The following FMNL2 variants were observed in gnomAD, a reference collection of about 807,000 sequenced individuals.
FMNL2 encodes formin-like protein 2.
A neutral mutation model predicts 130.2 loss-of-function variants in FMNL2; 51 were observed. The ratio of observed to expected loss-of-function variants is 0.39; its 90% CI spans 0.31 to 0.49. The LOEUF (loss-of-function observed/expected upper bound fraction) is 0.49, where lower values mean the gene tolerates loss of function less well. Ranked by LOEUF, FMNL2 falls within the 20% of genes least tolerant of loss-of-function variation. The pLI, the probability that FMNL2 is intolerant of heterozygous loss-of-function variation, is 0.85. For missense variants in FMNL2, 977 were observed against 1,316.2 expected, an observed-to-expected ratio of 0.74 and a Z score of 3.99; for synonymous variants, 465 against 467.1, an observed-to-expected ratio of 1.00 and a Z score of 0.06.
rs548413527 is a variant in FMNL2, at chr2:152,388,246, T to C, written c.117+52526T>C. On this transcript the variant is annotated intron_variant, in intron 1 of 25. Coordinates refer to ENST00000288670, the MANE Select transcript of FMNL2 (RefSeq NM_052905.4). ...ATCAAAGAAGTGTTATCTTTACCAT[T>C]GTATTGGTCTGTTCTCACATTGCTA... Among the ~76,000 whole-genome samples the C allele has an allele frequency of 9.8e-4, 149 of 152,320 alleles. 1 individual carries two copies. The highest frequency in any genetic ancestry group is 3.4e-3 in the African/African-American group (141 of 41,578).
At chr2:152,388,055 A>G (rs1684885241) in intron 1 of FMNL2, among the ~76,000 whole-genome samples, 1 of 152,198 alleles carries the variant, frequency 6.6e-6, no homozygotes, top group Non-Finnish European at 1.5e-5. Flanking sequence ...ATTCTTCTTT[A>G]TCACCTGTTC....
chr2:152,642,053 G>C (rs1166510654), intron 25 of FMNL2, among the ~76,000 whole-genome samples: 2 of 151,758 alleles, frequency 1.3e-5, no homozygotes, highest in African/African-American at 4.8e-5. Context: ...CCATTCTTCT[G>C]CCTCAGCCTC....
intron 6 of FMNL2, among the ~76,000 whole-genome samples, chr2:152,562,323 CATTATTTCTCT>C (rs1695578238): frequency 1.3e-5 from 2 of 152,264 alleles, no homozygotes; most frequent in South Asian, 4.1e-4. Flanking sequence ...GGCAAGAGGA[CATTATTTCTCT>C]AAGTGTTTAC....
At chr2:152,462,259 A>C (rs1689292901) in intron 1 of FMNL2, among the ~76,000 whole-genome samples, 1 of 152,216 alleles carries the variant, frequency 6.6e-6, no homozygotes, top group Non-Finnish European at 1.5e-5. Flanking sequence ...ACATAGGGCT[A>C]GTGGCTGTCG....
At chr2:152,639,809 C>A in intron 23 of FMNL2, 149 bp from the exon 24 acceptor site, 1 of 650,210 alleles carries the variant, frequency 1.5e-6, no homozygotes, top group Non-Finnish European at 2.6e-6. Context: ...AGAAGCAGAG[C>A]TAAATACAGG....
At chr2:152,546,168 G>A (rs775182692) in intron 3 of FMNL2, among the ~76,000 whole-genome samples, 13 of 152,186 alleles carry the variant, frequency 8.5e-5, no homozygotes, top group Non-Finnish European at 1.9e-4. Flanking sequence ...GGAAGCAGAA[G>A]GCGGCATTAG....
At chr2:152,646,169 A>C (rs1244198734) in intron 25 of FMNL2, among the ~76,000 whole-genome samples, 1 of 138,286 alleles carries the variant, frequency 7.2e-6, no homozygotes, top group African/African-American at 2.6e-5. Flanking sequence ...AAAAAAAAAA[A>C]ACAAACAAAC....
rs58838989 is a variant in FMNL2, at chr2:152,490,569, ATGTGTGTGTG to A, written c.118-31336_118-31327del. Among the ~76,000 whole-genome samples, 1,066 of 108,562 alleles carry A rather than the reference ATGTGTGTGTG, an allele frequency of 9.8e-3. 8 individuals are homozygous for A. The highest frequency in any genetic ancestry group is 0.028 in the African/African-American group (809 of 29,014). 71.2% of individuals were successfully genotyped at this position (108,562 alleles called of 152,430 possible). A position where few individuals can be genotyped will look rare whatever the true frequency, so the allele number is the denominator to read the frequency against. On this transcript the variant is annotated intron_variant, in intron 1 of 25. Transcript: ENST00000288670. ...GCTTCTCTTCAGCTTTTGCTATCCA[ATGTGTGTGTG>A]TGTGTGTGTGTGTGTGTGTGTGTGT...
intron 1 of FMNL2, among the ~76,000 whole-genome samples, chr2:152,431,195 A>G (rs917914918): frequency 1.3e-5 from 2 of 152,210 alleles, no homozygotes; most frequent in African/African-American, 2.4e-5. Flanking sequence ...GCTTTAAATC[A>G]TCTTCCTTGA....
At chr2:152,645,607 C>G (rs1179453818) in intron 25 of FMNL2, 1 of 902,148 alleles carries the variant, frequency 1.1e-6, no homozygotes, top group Admixed American at 2.8e-5. Context: ...GAGGGTAATA[C>G]TGGTGAGAAT....
chr2:152,424,583 G>A (rs565862373), intron 1 of FMNL2, among the ~76,000 whole-genome samples: 4 of 151,986 alleles, frequency 2.6e-5, no homozygotes, highest in African/African-American at 7.3e-5. Flanking sequence ...CAGAGACAGG[G>A]CTTCACCATG....
At position 152,619,092 on chromosome 2, in the gene FMNL2, G is replaced by A. The variant is rs1338633058; in HGVS notation, c.1561G>A (p.Ala521Thr). 3.1e-6 allele frequency: 5 copies of A among 1,611,322 alleles called. No individual in the cohort carries two copies. The highest frequency in any genetic ancestry group is 4.2e-6 in the Non-Finnish European group (5 of 1,178,148). Residue 521 changes from alanine to threonine, a missense_variant, in exon 14 of 26, where the codon GCT (alanine) becomes ACT (threonine). Ala to Thr is a moderately conservative substitution (Grantham distance 58). Transcript: ENST00000288670. ...CTCTGTGGGACCCACAATGGGGGCC[G>A]CTTCCTCAGGACCCTTGCCCCCTCC... ...GNSVGPTMGA[A>T]SSGPLPPPPP...
chr2:152,504,258 CTT>C (rs527725556), intron 1 of FMNL2, among the ~76,000 whole-genome samples: 2 of 145,366 alleles, frequency 1.4e-5, no homozygotes, highest in Admixed American at 6.8e-5. Flanking sequence ...TGCAGGGAGG[CTT>C]TTTTTTTTTT....
At chr2:152,373,608 A>G (rs1466945319) in intron 1 of FMNL2, among the ~76,000 whole-genome samples, 1 of 152,196 alleles carries the variant, frequency 6.6e-6, no homozygotes, top group Non-Finnish European at 1.5e-5. Flanking sequence ...CCTATAGATT[A>G]TCTATAATTC....
At chr2:152,470,203 T>C (rs1338050777) in intron 1 of FMNL2, among the ~76,000 whole-genome samples, 1 of 152,206 alleles carries the variant, frequency 6.6e-6, no homozygotes, top group African/African-American at 2.4e-5. Flanking sequence ...AATAATGCAA[T>C]GTTTACGGCA....
chr2:152,620,006 G>A lies in FMNL2; in HGVS notation c.1837+288G>A, dbSNP rs374808353. Reference sequence around the variant, plus strand: ...CACCGAGAGAATGGAAGAGAGACAAGCTACCTGCTTGAGGATCAGTGCATT... The same window carrying A: ...CACCGAGAGAATGGAAGAGAGACAAACTACCTGCTTGAGGATCAGTGCATT... On this transcript the variant is annotated intron_variant, in intron 15 of 25. Transcript: ENST00000288670. Among the ~76,000 whole-genome samples the A allele has an allele frequency of 1.3e-4, 20 of 152,156 alleles. No individual in the cohort carries two copies. In the East Asian group the frequency reaches 3.5e-3, roughly 27 times the overall value.
intron 1 of FMNL2, among the ~76,000 whole-genome samples, chr2:152,432,163 T>A (rs377489759): frequency 2.0e-5 from 3 of 151,970 alleles, no homozygotes; most frequent in Non-Finnish European, 2.9e-5. Flanking sequence ...GCCCACAGGC[T>A]GAATATGTGT....
chr2:152,504,545 G>C (rs1233785592), intron 1 of FMNL2, among the ~76,000 whole-genome samples: 1 of 152,090 alleles, frequency 6.6e-6, no homozygotes, highest in South Asian at 2.1e-4. Context: ...GCGCTCAGCC[G>C]CAGGGAGGCT....
intron 25 of FMNL2, among the ~76,000 whole-genome samples, chr2:152,647,369 G>T (rs187873883): frequency 2.6e-5 from 4 of 152,142 alleles, no homozygotes; most frequent in Non-Finnish European, 5.9e-5. Context: ...TTAAAACTGC[G>T]AGGAAAAGAT....
Sources: allele counts gnomAD v4.1 joint callset (sites outside exome capture counted in the v4.1 genomes callset), GRCh38; gene constraint gnomAD v4.1.1; transcripts MANE v1.5; gene names NCBI Gene and HGNC (gene_info 2026-07-23, HGNC 2026-07-21).